Variants in PDZRN3 observed in about 807,000 individuals in gnomAD.
The protein encoded by PDZRN3 is E3 ubiquitin-protein ligase PDZRN3.
Under a neutral mutation model 85.7 loss-of-function variants are expected in PDZRN3, and 38 were observed. The observed-to-expected ratio is 0.44, with a 90% CI of 0.34 to 0.58. PDZRN3 has a LOEUF of 0.58. PDZRN3 is among the 20% of genes least tolerant of loss of function. PDZRN3 has a pLI of 0.01. For missense variants in PDZRN3, 1,629 were observed against 1,506.4 expected, an observed-to-expected ratio of 1.08 and a Z score of -1.35; for synonymous variants, 759 against 638.0, an observed-to-expected ratio of 1.19 and a Z score of -2.86.
chr3:73,561,914 T>C (rs1362062237), intron 3 of PDZRN3, among the ~76,000 whole-genome samples: 1 of 128,676 alleles, frequency 7.8e-6, no homozygotes, highest in African/African-American at 3.2e-5. Flanking sequence ...ACCCAAGTCA[T>C]TTTTTTTTTT....
chr3:73,555,219 A>G (rs139333789), intron 3 of PDZRN3, among the ~76,000 whole-genome samples: 2 of 152,302 alleles, frequency 1.3e-5, no homozygotes, highest in Non-Finnish European at 2.9e-5. Flanking sequence ...TGGAGCCACA[A>G]CTTTGTTTCC....
chr3:73,579,836 G>A (rs1282734348), intron 3 of PDZRN3, among the ~76,000 whole-genome samples: 1 of 152,156 alleles, frequency 6.6e-6, no homozygotes, highest in Non-Finnish European at 1.5e-5. Context: ...CTCTGTGTGT[G>A]TGTGTGTGTA....
At chr3:73,506,031 G>C (rs1302837665) in intron 3 of PDZRN3, among the ~76,000 whole-genome samples, 1 of 151,960 alleles carries the variant, frequency 6.6e-6, no homozygotes, top group Non-Finnish European at 1.5e-5. Flanking sequence ...CAGGTAGAGA[G>C]CAGGTAGAAA....
intron 3 of PDZRN3, chr3:73,433,869 C>A: frequency 7.0e-7 from 1 of 1,433,346 alleles, no homozygotes; most frequent in Middle Eastern, 2.5e-4. Flanking sequence ...GACAACAACT[C>A]TCTCCCCCCT....
intron 3 of PDZRN3, among the ~76,000 whole-genome samples, chr3:73,532,381 G>A (rs998394137): frequency 6.6e-6 from 1 of 152,138 alleles, no homozygotes; most frequent in Non-Finnish European, 1.5e-5. Flanking sequence ...TACCAACTGC[G>A]GAGATACTCC....
intron 3 of PDZRN3, among the ~76,000 whole-genome samples, chr3:73,503,852 G>A (rs189726952): frequency 1.2e-4 from 19 of 152,248 alleles, no homozygotes; most frequent in African/African-American, 4.6e-4. Context: ...ATCAAGTTCT[G>A]CTCTCTGACA....
chr3:73,565,810 C>A (rs1012684922), intron 3 of PDZRN3, among the ~76,000 whole-genome samples: 1 of 53,962 alleles, frequency 1.9e-5, no homozygotes. Flanking sequence ...CACACACACA[C>A]ACACACACAC....
At position 73,524,020 on chromosome 3, in the gene PDZRN3, A is replaced by G. The variant is rs561274579; in HGVS notation, c.918+78334T>C. 8.3e-4 allele frequency among the ~76,000 whole-genome samples: 126 copies of G among 152,296 alleles called. 3 individuals are homozygous for G. In the South Asian group the frequency reaches 0.025, roughly 30 times the overall value. On this transcript the variant is annotated intron_variant, in intron 3 of 9. Transcript: ENST00000263666. ...TAATGGATAGTTTCAGTGAAATGAAATATTTCTTACAAGTAGATATCACAG... is the reference window on the plus strand; with the variant it reads ...TAATGGATAGTTTCAGTGAAATGAAGTATTTCTTACAAGTAGATATCACAG...
intron 3 of PDZRN3, among the ~76,000 whole-genome samples, chr3:73,565,850 A>G (rs557928755): frequency 2.6e-5 from 4 of 151,796 alleles, no homozygotes; most frequent in South Asian, 4.2e-4. Flanking sequence ...TATGCTTCCA[A>G]TAAAAAAAAA....
chr3:73,597,224 C>T (rs1389230948), intron 3 of PDZRN3, among the ~76,000 whole-genome samples: 1 of 152,124 alleles, frequency 6.6e-6, no homozygotes, highest in African/African-American at 2.4e-5. Flanking sequence ...CACTTTGTTC[C>T]ACCAAGTAGC....
At chr3:73,526,788 A>G (rs1021631897) in intron 3 of PDZRN3, among the ~76,000 whole-genome samples, 9 of 152,108 alleles carry the variant, frequency 5.9e-5, no homozygotes, top group African/African-American at 2.2e-4. Context: ...CCTGGGCTCA[A>G]GCAAGTTTCC....
At chr3:73,549,384 G>C (rs1268463099) in intron 3 of PDZRN3, among the ~76,000 whole-genome samples, 1 of 152,146 alleles carries the variant, frequency 6.6e-6, no homozygotes, top group African/African-American at 2.4e-5. Flanking sequence ...CAGGAAGAGT[G>C]AATCAAGCTG....
At chr3:73,423,674 T>G (rs1702246884) in intron 3 of PDZRN3, among the ~76,000 whole-genome samples, 1 of 152,232 alleles carries the variant, frequency 6.6e-6, no homozygotes, top group African/African-American at 2.4e-5. Context: ...AGATGAAGAA[T>G]GCTTTATATA....
chr3:73,522,138 G>A (rs1396553875), intron 3 of PDZRN3, among the ~76,000 whole-genome samples: 1 of 152,184 alleles, frequency 6.6e-6, no homozygotes, highest in Non-Finnish European at 1.5e-5. Context: ...CCGCTTTCAT[G>A]CCACGTCAGT....
chr3:73,433,748 C>T (rs1702477672), intron 3 of PDZRN3: 1 of 1,535,590 alleles, frequency 6.5e-7, no homozygotes, highest in African/African-American at 1.4e-5. Context: ...TTCTCGCCAG[C>T]ACCCGGGAAA....
intron 3 of PDZRN3, among the ~76,000 whole-genome samples, chr3:73,457,899 GC>G (rs1300630920): frequency 6.6e-6 from 1 of 152,144 alleles, no homozygotes; most frequent in Non-Finnish European, 1.5e-5. Context: ...GGAATTCCCA[GC>G]CTCCAGAACT....
At chr3:73,500,257 C>T (rs1429143241) in intron 3 of PDZRN3, among the ~76,000 whole-genome samples, 1 of 152,162 alleles carries the variant, frequency 6.6e-6, no homozygotes. Context: ...CTATATTGCC[C>T]AGGCTGGTAT....
intron 3 of PDZRN3, among the ~76,000 whole-genome samples, chr3:73,519,099 C>T (rs957648626): frequency 2.0e-5 from 3 of 152,232 alleles, no homozygotes; most frequent in African/African-American, 7.2e-5. Flanking sequence ...GAGACCCCAA[C>T]CTCACTTATC....
intron 3 of PDZRN3, among the ~76,000 whole-genome samples, chr3:73,526,735 T>G (rs1354434943): frequency 6.6e-6 from 1 of 152,216 alleles, no homozygotes; most frequent in African/African-American, 2.4e-5. Context: ...TTGCGCAGGC[T>G]GGAGTGCAGT....
Sources: allele counts gnomAD v4.1 joint callset (sites outside exome capture counted in the v4.1 genomes callset), GRCh38; gene constraint gnomAD v4.1.1; transcripts MANE v1.5; gene names NCBI Gene and HGNC (gene_info 2026-07-23, HGNC 2026-07-21).